The following PCNX2 variants were observed in gnomAD, a reference collection of about 807,000 sequenced individuals.
PCNX2 encodes the protein pecanex 2, also known as pecanex-like protein 2.
PCNX2 carries 168 observed loss-of-function variants against 223.8 expected under a neutral mutation model. The observed-to-expected ratio is 0.75, with a 90% CI of 0.66 to 0.85. PCNX2 has a LOEUF of 0.85. PCNX2 is among the 40% of genes least tolerant of loss of function. The pLI, the probability that PCNX2 is intolerant of heterozygous loss-of-function variation, is 0.00. For synonymous variants in PCNX2, 1,006 were observed against 1,052.6 expected (o/e 0.96, Z 0.86); for missense variants, 2,507 against 2,675.5 (o/e 0.94, Z 1.39).
At position 233,262,896 on chromosome 1, in the gene PCNX2, CTTATT is replaced by C. The variant is rs1660132858; in HGVS notation, c.359+57_359+61del. On this transcript the variant is annotated intron_variant, in intron 2 of 33. Coordinates refer to ENST00000258229, the MANE Select transcript of PCNX2 (RefSeq NM_014801.4). ...TAATTTCATAAACACTGATAAAAAA[CTTATT>C]TTAATCAAGAGCAAAACATTTACAT... 36 of 1,520,456 alleles carry C rather than the reference CTTATT, an allele frequency of 2.4e-5. 1 individual carries two copies. The South Asian group carries it at 4.0e-4, about 17-fold the overall frequency. The allele number at this position is 1,520,456 out of a possible 1,614,324, so 94.2% of individuals were successfully genotyped here. A position where few individuals can be genotyped will look rare whatever the true frequency, so the allele number is the denominator to read the frequency against.
chr1:233,239,973 A>G (rs1658656128), intron 8 of PCNX2, among the ~76,000 whole-genome samples: 1 of 152,198 alleles, frequency 6.6e-6, no homozygotes, highest in Admixed American at 6.5e-5. Context: ...ATTCCAGACA[A>G]GGCATGGGCA....
At chr1:233,161,499 T>C (rs1387473958) in intron 17 of PCNX2, 136 bp from the exon 18 acceptor site, 23 of 701,184 alleles carry the variant, frequency 3.3e-5, no homozygotes, top group African/African-American at 5.3e-5. Flanking sequence ...GACACACTCA[T>C]TGGCACATAC....
At chr1:233,301,795 C>CTTTT in the PCNX2 span, among the ~76,000 whole-genome samples, 819 of 132,438 alleles carry the variant, frequency 6.2e-3, 24 homozygotes, top group African/African-American at 0.022. Context: ...AGGGAACAAG[C>CTTTT]TTTTTTTTTT....
At chr1:233,185,811 T>C (rs568231766) in intron 15 of PCNX2, among the ~76,000 whole-genome samples, 1 of 152,342 alleles carries the variant, frequency 6.6e-6, no homozygotes, top group East Asian at 1.9e-4. Context: ...AATTAACATC[T>C]CTAATTGCTC....
At chr1:233,099,135 G>C (rs1170213355) in intron 21 of PCNX2, among the ~76,000 whole-genome samples, 1 of 152,194 alleles carries the variant, frequency 6.6e-6, no homozygotes, top group Non-Finnish European at 1.5e-5. Flanking sequence ...AGAGATCAAA[G>C]TTCCTGATTC....
chr1:233,077,602 T>A (rs1673152690), intron 23 of PCNX2, among the ~76,000 whole-genome samples: 1 of 152,166 alleles, frequency 6.6e-6, no homozygotes, highest in Non-Finnish European at 1.5e-5. Context: ...CCCAAGTCTG[T>A]CCTATGCCTC....
intron 15 of PCNX2, among the ~76,000 whole-genome samples, chr1:233,196,917 A>C (rs1396055899): frequency 6.6e-6 from 1 of 152,210 alleles, no homozygotes; most frequent in Non-Finnish European, 1.5e-5. Context: ...ACATGAAAAC[A>C]TACTTCTGGA....
At chr1:233,325,778 C>T in the PCNX2 span, among the ~76,000 whole-genome samples, 5 of 152,158 alleles carry the variant, frequency 3.3e-5, no homozygotes, top group South Asian at 2.1e-4. Flanking sequence ...CATTTTGAAA[C>T]GACAAAAAGG....
upstream of PCNX2, among the ~76,000 whole-genome samples, chr1:233,298,213 A>G (rs80265981): frequency 6.0e-3 from 911 of 152,280 alleles, 18 homozygotes; most frequent in East Asian, 0.063. Flanking sequence ...CAAGCAGGAC[A>G]AAAGAGGGAG....
intron 28 of PCNX2, among the ~76,000 whole-genome samples, chr1:233,011,057 G>C (rs1430892608): frequency 6.6e-6 from 1 of 152,030 alleles, no homozygotes; most frequent in Non-Finnish European, 1.5e-5. Flanking sequence ...TACACCTAAG[G>C]ACATACTCCC....
intron 17 of PCNX2, chr1:233,172,575 C>T (rs1679218376): frequency 1.0e-6 from 1 of 982,712 alleles, no homozygotes; most frequent in Admixed American, 6.2e-5. Flanking sequence ...GCTGATGATC[C>T]ATGGTCTGGC....
intron 1 of PCNX2, among the ~76,000 whole-genome samples, chr1:233,294,415 T>A (rs954835362): frequency 1.3e-5 from 2 of 152,272 alleles, no homozygotes; most frequent in African/African-American, 4.8e-5. Flanking sequence ...ACCCTTTGGA[T>A]ACACTGCCGG....
intron 25 of PCNX2, among the ~76,000 whole-genome samples, chr1:233,042,310 T>G (rs1483287971): frequency 2.6e-5 from 4 of 152,184 alleles, no homozygotes; most frequent in Admixed American, 1.3e-4. Context: ...TTGGATTCCC[T>G]CACTTGCCAC....
At chr1:233,204,008 C>T (rs1374690575) in intron 13 of PCNX2, among the ~76,000 whole-genome samples, 2 of 152,208 alleles carry the variant, frequency 1.3e-5, no homozygotes, top group African/African-American at 2.4e-5. Flanking sequence ...TTCTTAAACG[C>T]TCCTCGTTAT....
the PCNX2 span, among the ~76,000 whole-genome samples, chr1:233,301,878 G>C: frequency 3.8e-3 from 546 of 144,814 alleles, 3 homozygotes; most frequent in African/African-American, 0.012. Context: ...TGCAATCTCT[G>C]TCTCCTGGGT....
At chr1:233,325,454 C>A in the PCNX2 span, among the ~76,000 whole-genome samples, 4 of 147,502 alleles carry the variant, frequency 2.7e-5, no homozygotes, top group African/African-American at 1.0e-4. Context: ...GTCAGGAGAT[C>A]GAGACCATCC....
chr1:233,067,165 ACC>A (rs879651179), intron 23 of PCNX2, among the ~76,000 whole-genome samples: 5 of 151,866 alleles, frequency 3.3e-5, no homozygotes, highest in Admixed American at 3.3e-4. Context: ...ACATAATAGC[ACC>A]CAAAATGTCC....
chr1:233,114,071 A>G (rs1675271052), intron 21 of PCNX2, among the ~76,000 whole-genome samples: 1 of 152,270 alleles, frequency 6.6e-6, no homozygotes, highest in South Asian at 2.1e-4. Context: ...ACAATAATAT[A>G]ATAAACAATT....
intron 23 of PCNX2, among the ~76,000 whole-genome samples, chr1:233,067,407 AAGACT>A: frequency 7.7e-6 from 1 of 129,358 alleles, no homozygotes; most frequent in Non-Finnish European, 1.7e-5. Flanking sequence ...AAAAAAAAGC[AAGACT>A]TGGCAAAGAA....
Sources: gnomAD v4.1 joint callset for allele counts (sites outside exome capture counted in the v4.1 genomes callset) on GRCh38, gnomAD v4.1.1 for gene constraint, MANE v1.5 for transcripts, NCBI Gene and HGNC (gene_info 2026-07-23, HGNC 2026-07-21) for gene names.